The following NAV2 variants were observed in gnomAD, a reference collection of about 807,000 sequenced individuals.
The protein encoded by NAV2 is neuron navigator 2.
In NAV2, 54 loss-of-function variants were observed where a neutral mutation model predicts 223.2. The ratio of observed to expected loss-of-function variants is 0.24; its 90% CI spans 0.19 to 0.30. NAV2 has a LOEUF of 0.30. NAV2 is among the 10% of genes least tolerant of loss of function. NAV2 has a pLI of 1.00. For missense variants in NAV2, 2,806 were observed against 3,147.5 expected (o/e 0.89, Z 2.60); for synonymous variants, 1,279 against 1,239.3 (o/e 1.03, Z -0.67).
chr11:20,096,030 T>C (rs960407948), intron 30 of NAV2, among the ~76,000 whole-genome samples: 2 of 152,224 alleles, frequency 1.3e-5, no homozygotes, highest in African/African-American at 4.8e-5. Context: ...GAGCAACTCT[T>C]TGATCCTCTC....
intron 1 of NAV2, among the ~76,000 whole-genome samples, chr11:19,539,503 A>G (rs2044281557): frequency 6.6e-6 from 1 of 152,224 alleles, no homozygotes; most frequent in Non-Finnish European, 1.5e-5. Context: ...CATTGTAAGA[A>G]TGTATACAAT....
At chr11:19,627,495 C>A (rs118147368) in intron 1 of NAV2, among the ~76,000 whole-genome samples, 2,769 of 152,188 alleles carry the variant, frequency 0.018, 42 homozygotes, top group Non-Finnish European at 0.029. Context: ...ATGAAATTCT[C>A]TGGTCACAGC....
chr11:19,509,834 C>A (rs1454987939), intron 1 of NAV2, among the ~76,000 whole-genome samples: 1 of 149,990 alleles, frequency 6.7e-6, no homozygotes, highest in Non-Finnish European at 1.5e-5. Context: ...TTTAATCTCA[C>A]CCAAAACATC....
At chr11:19,794,243 G>A (rs1207271810) in intron 1 of NAV2, among the ~76,000 whole-genome samples, 2 of 152,164 alleles carry the variant, frequency 1.3e-5, no homozygotes, top group Non-Finnish European at 2.9e-5. Context: ...GTTGTAAGGA[G>A]GCTTTCTTCT....
intron 1 of NAV2, among the ~76,000 whole-genome samples, chr11:19,512,329 C>T (rs1388875336): frequency 6.6e-6 from 1 of 152,154 alleles, no homozygotes; most frequent in Non-Finnish European, 1.5e-5. Flanking sequence ...ATTCTGGGTA[C>T]AGAGGCTAGG....
chr11:19,603,935 T>C (rs2046414233), intron 1 of NAV2, among the ~76,000 whole-genome samples: 2 of 151,984 alleles, frequency 1.3e-5, no homozygotes, highest in Non-Finnish European at 2.9e-5. Flanking sequence ...GGAAGAGTGT[T>C]CTGGGCAGAG....
chr11:19,534,223 T>C (rs1345230840), intron 1 of NAV2, among the ~76,000 whole-genome samples: 1 of 152,140 alleles, frequency 6.6e-6, no homozygotes, highest in Non-Finnish European at 1.5e-5. Flanking sequence ...GCATCGTGTT[T>C]ATTTGCTTAT....
At chr11:19,606,636 C>T (rs759141128) in intron 1 of NAV2, among the ~76,000 whole-genome samples, 1 of 152,210 alleles carries the variant, frequency 6.6e-6, no homozygotes, top group Admixed American at 6.5e-5. Context: ...GTCCTATTCC[C>T]TGTTAATTCT....
rs372116769 is a variant in NAV2, at chr11:19,880,134, G to T, written c.770+7G>T. On this transcript the variant is annotated splice_region_variant and intron_variant, in intron 5 of 37. Transcript: ENST00000349880. ...AAGCTGAAATGCAGTCCAGGTGGGG[G>T]CTCCTTGCCAACTGATGGTTCTGTT... is the stretch of plus-strand genomic sequence containing the variant. The T allele has an allele frequency of 1.0e-5, 16 of 1,563,454 alleles. No individual in the cohort carries two copies. The African/African-American group carries it at 1.9e-4, about 19-fold the overall frequency.
intron 1 of NAV2, among the ~76,000 whole-genome samples, chr11:19,649,270 A>G (rs1282063112): frequency 6.6e-6 from 1 of 152,210 alleles, no homozygotes; most frequent in Non-Finnish European, 1.5e-5. Flanking sequence ...CATTCCCACC[A>G]TTCCACCACT....
intron 9 of NAV2, among the ~76,000 whole-genome samples, chr11:19,948,449 G>A (rs1452514344): frequency 2.6e-5 from 4 of 152,078 alleles, no homozygotes; most frequent in East Asian, 1.9e-4. Flanking sequence ...AAAGTAATTC[G>A]TTTCTTGTAC....
intron 37 of NAV2, among the ~76,000 whole-genome samples, chr11:20,115,863 A>G (rs1042361696): frequency 2.0e-5 from 3 of 152,186 alleles, no homozygotes; most frequent in African/African-American, 7.2e-5. Context: ...CAGTGAGCCA[A>G]GATTGTGCCA....
intron 3 of NAV2, among the ~76,000 whole-genome samples, chr11:19,857,129 G>A (rs2061450993): frequency 6.6e-6 from 1 of 152,198 alleles, no homozygotes; most frequent in Non-Finnish European, 1.5e-5. Flanking sequence ...GTGGTCTAGT[G>A]CTTCTTCCAA....
chr11:19,642,866 T>C (rs1260860997), intron 1 of NAV2, among the ~76,000 whole-genome samples: 1 of 152,198 alleles, frequency 6.6e-6, no homozygotes, highest in African/African-American at 2.4e-5. Flanking sequence ...CAACCCTGTA[T>C]TCACAGTGGC....
chr11:19,633,181 C>T (rs772287524), intron 1 of NAV2, among the ~76,000 whole-genome samples: 2 of 152,084 alleles, frequency 1.3e-5, no homozygotes, highest in Non-Finnish European at 2.9e-5. Flanking sequence ...CCCAACTAAC[C>T]TCTCCTCCTA....
chr11:20,102,775 T>G (rs2061731132), intron 32 of NAV2, among the ~76,000 whole-genome samples: 1 of 152,120 alleles, frequency 6.6e-6, no homozygotes, highest in Admixed American at 6.5e-5. Flanking sequence ...GCCCCACCCG[T>G]TCTCCAAGGT....
intron 1 of NAV2, among the ~76,000 whole-genome samples, chr11:19,727,972 C>T (rs1353005141): frequency 6.6e-6 from 1 of 152,180 alleles, no homozygotes; most frequent in Non-Finnish European, 1.5e-5. Flanking sequence ...CATTTAACCC[C>T]ATTGAAACCA....
intron 1 of NAV2, among the ~76,000 whole-genome samples, chr11:19,766,969 C>T (rs1001585726): frequency 6.6e-6 from 1 of 152,188 alleles, no homozygotes; most frequent in African/African-American, 2.4e-5. Flanking sequence ...TGGTACCCTA[C>T]ACCCTTGAGT....
rs1591553291 is a variant in NAV2 at position 19,988,942 on chromosome 11, T to A, written c.2768+4695T>A. ...GAAAGAGTTTAATCCAGGCCAGAGG[T>A]CCCCAGCCTGCAGATGCAATTGGCG... On this transcript the variant is annotated intron_variant, in intron 11 of 37. Transcript: ENST00000349880. Among the ~76,000 whole-genome samples the A allele has an allele frequency of 2.0e-5, 3 of 152,024 alleles. No individual in the cohort carries two copies. The East Asian group carries it at 5.8e-4, about 29-fold the overall frequency.
Sources: allele counts gnomAD v4.1 joint callset (sites outside exome capture counted in the v4.1 genomes callset), GRCh38; gene constraint gnomAD v4.1.1; transcripts MANE v1.5; gene names NCBI Gene and HGNC (gene_info 2026-07-23, HGNC 2026-07-21).